NMNAT2: variants seen among roughly 807,000 people sequenced by gnomAD.
NMNAT2 encodes the protein nicotinamide/nicotinic acid mononucleotide adenylyltransferase 2.
NMNAT2 carries 11 observed loss-of-function variants against 41.6 expected under a neutral mutation model. The observed-to-expected ratio is 0.26, with a 90% CI of 0.17 to 0.44. The LOEUF is 0.44. NMNAT2 is among the 20% of genes least tolerant of loss of function. The pLI is 1.00. For synonymous variants in NMNAT2, 148 were observed against 151.2 expected (o/e 0.98, Z 0.16); for missense variants, 288 against 407.7 (o/e 0.71, Z 2.53).
intron 1 of NMNAT2, among the ~76,000 whole-genome samples, chr1:183,344,605 C>T (rs1048728074): frequency 6.6e-6 from 1 of 152,168 alleles, no homozygotes. Context: ...TGCAGGCCTT[C>T]TCAGCCTCGG....
At chr1:183,269,325 A>C (rs1350760576) in intron 8 of NMNAT2, among the ~76,000 whole-genome samples, 2 of 152,352 alleles carry the variant, frequency 1.3e-5, no homozygotes. Flanking sequence ...TCATGAAGAC[A>C]GGGTTTCATT....
intron 1 of NMNAT2, among the ~76,000 whole-genome samples, chr1:183,303,727 T>C (rs1661924926): frequency 2.0e-5 from 3 of 151,870 alleles, no homozygotes; most frequent in Non-Finnish European, 4.4e-5. Context: ...AGTTTTCCAG[T>C]GAGATAGTTC....
At chr1:183,261,090 G>A in intron 9 of NMNAT2, 21 bp from the exon 10 acceptor site, 3 of 1,611,446 alleles carry the variant, frequency 1.9e-6, no homozygotes, top group Non-Finnish European at 2.5e-6. Context: ...AGCAGACAGA[G>A]TCAGTTGCCA....
At chr1:183,328,103 C>A (rs1662507860) in intron 1 of NMNAT2, among the ~76,000 whole-genome samples, 1 of 152,148 alleles carries the variant, frequency 6.6e-6, no homozygotes, top group Non-Finnish European at 1.5e-5. Context: ...GGGAGGGAAC[C>A]ATCACCTGGT....
chr1:183,317,365 G>A (rs981252680), intron 1 of NMNAT2, among the ~76,000 whole-genome samples: 1 of 152,192 alleles, frequency 6.6e-6, no homozygotes, highest in African/African-American at 2.4e-5. Context: ...ATCCTGCTGG[G>A]CTCAAGCGAT....
At chr1:183,408,274 C>T (rs903077345) in intron 1 of NMNAT2, among the ~76,000 whole-genome samples, 1 of 152,190 alleles carries the variant, frequency 6.6e-6, no homozygotes, top group Non-Finnish European at 1.5e-5. Context: ...CAACCACTCA[C>T]CTCTGTTGTT....
At chr1:183,381,830 G>A (rs1358636398) in intron 1 of NMNAT2, among the ~76,000 whole-genome samples, 4 of 152,158 alleles carry the variant, frequency 2.6e-5, no homozygotes, top group Non-Finnish European at 2.9e-5. Context: ...ATTACTATGA[G>A]TTACGAATTA....
chr1:183,388,795 G>A (rs778062762), intron 1 of NMNAT2, among the ~76,000 whole-genome samples: 1 of 152,088 alleles, frequency 6.6e-6, no homozygotes, highest in Non-Finnish European at 1.5e-5. Context: ...CTTGTTTATC[G>A]ATGTATTTCT....
At chr1:183,276,116 GA>G (rs1372661617) in intron 8 of NMNAT2, among the ~76,000 whole-genome samples, 1 of 152,232 alleles carries the variant, frequency 6.6e-6, no homozygotes, top group African/African-American at 2.4e-5. Context: ...TTGGAAATGG[GA>G]TAGGAGAATC....
intron 2 of NMNAT2, 80 bp from the exon 3 acceptor site, chr1:183,292,937 ATT>A (rs2102309564): frequency 7.5e-7 from 1 of 1,327,910 alleles, no homozygotes; most frequent in East Asian, 2.3e-5. Context: ...AAGCCCACCC[ATT>A]GTTAAAGTGC....
Position 183,252,420 on chromosome 1 carries a change from T to TC in NMNAT2, c.*220dup. On this transcript the variant is annotated 3_prime_UTR_variant, in exon 11 of 11. Transcript: ENST00000287713. ...TTCCCCCGACTCCCACCCCATTCCC[T>TC]CACCCACCCCCAACCCGGAGACTAG... 6.2e-6 allele frequency: 2 copies of TC among 321,096 alleles called. No homozygotes were observed. Among genetic ancestry groups the TC allele is most frequent in the Non-Finnish European group, 1.2e-5 (2 of 161,862 alleles). 19.9% of individuals were successfully genotyped at this position (321,096 alleles called of 1,614,324 possible).
At chr1:183,263,714 C>T (rs1240333349) in intron 8 of NMNAT2, among the ~76,000 whole-genome samples, 1 of 152,034 alleles carries the variant, frequency 6.6e-6, no homozygotes, top group Non-Finnish European at 1.5e-5. Context: ...AGGCTGAGGC[C>T]GGAGAATGGT....
chr1:183,288,572 C>T (rs1365442649), intron 4 of NMNAT2, among the ~76,000 whole-genome samples: 1 of 152,228 alleles, frequency 6.6e-6, no homozygotes, highest in African/African-American at 2.4e-5. Flanking sequence ...ATTTAGACAT[C>T]AAATGATAGC....
intron 1 of NMNAT2, among the ~76,000 whole-genome samples, chr1:183,343,894 T>C (rs1662871141): frequency 1.3e-5 from 2 of 152,182 alleles, no homozygotes; most frequent in Non-Finnish European, 2.9e-5. Flanking sequence ...CAGCCTCTTA[T>C]CCTGCTGGCC....
intron 1 of NMNAT2, among the ~76,000 whole-genome samples, chr1:183,305,142 G>A (rs1422090119): frequency 6.6e-6 from 1 of 151,498 alleles, no homozygotes. Context: ...TTCAGAAATG[G>A]AAAGCTAAAT....
intron 1 of NMNAT2, among the ~76,000 whole-genome samples, chr1:183,357,574 C>A (rs925474906): frequency 6.6e-6 from 1 of 152,076 alleles, no homozygotes; most frequent in African/African-American, 2.4e-5. Context: ...GAGGAATCGC[C>A]CCACACTGTC....
chr1:183,316,565 C>G (rs1218488929), intron 1 of NMNAT2, among the ~76,000 whole-genome samples: 1 of 152,294 alleles, frequency 6.6e-6, no homozygotes, highest in South Asian at 2.1e-4. Flanking sequence ...AGCCAGGGCT[C>G]GCCAGCCCCC....
intron 1 of NMNAT2, among the ~76,000 whole-genome samples, chr1:183,313,487 T>A (rs907327042): frequency 6.6e-6 from 1 of 152,240 alleles, no homozygotes; most frequent in Non-Finnish European, 1.5e-5. Context: ...CTTTCAAGCA[T>A]TTCTTTTTTT....
chr1:183,252,811 C>T, intron 10 of NMNAT2, 68 bp from the exon 11 acceptor site: 1 of 1,114,684 alleles, frequency 9.0e-7, no homozygotes, highest in South Asian at 1.2e-5. Context: ...ACTGGCATGC[C>T]CCTGTCTCCC....
Sources: allele counts gnomAD v4.1 joint callset (sites outside exome capture counted in the v4.1 genomes callset), GRCh38; gene constraint gnomAD v4.1.1; transcripts MANE v1.5; gene names NCBI Gene and HGNC (gene_info 2026-07-23, HGNC 2026-07-21).